The following EML1 variants were observed in gnomAD, a reference collection of about 807,000 sequenced individuals.
EML1 encodes the protein EMAP like 1.
EML1 carries 27 observed loss-of-function variants against 110.4 expected under a neutral mutation model. The ratio of observed to expected loss-of-function variants is 0.24; its 90% CI spans 0.18 to 0.34. The LOEUF (loss-of-function observed/expected upper bound fraction) is 0.34. Among genes scored for constraint, EML1 ranks in the 10% least tolerant of loss-of-function variants. EML1 has a pLI of 1.00. For synonymous variants in EML1, 344 were observed against 385.8 expected, an observed-to-expected ratio of 0.89 and a Z score of 1.27; for missense variants, 741 against 1,030.9, an observed-to-expected ratio of 0.72 and a Z score of 3.85.
intron 1 of EML1, among the ~76,000 whole-genome samples, chr14:99,806,253 C>T (rs952166423): frequency 5.9e-5 from 9 of 151,588 alleles, no homozygotes; most frequent in Admixed American, 1.3e-4. Context: ...ATCACACCCA[C>T]GTGCATTACA....
chr14:99,754,880 C>T (rs866009023), intron 1 of EML1, among the ~76,000 whole-genome samples: 1 of 152,234 alleles, frequency 6.6e-6, no homozygotes, highest in Non-Finnish European at 1.5e-5. Context: ...GCCTCCCCCG[C>T]CCCATGATCC....
intron 13 of EML1, among the ~76,000 whole-genome samples, chr14:99,912,778 A>G (rs1382650798): frequency 6.6e-6 from 1 of 152,252 alleles, no homozygotes; most frequent in Non-Finnish European, 1.5e-5. Flanking sequence ...TCATATTATA[A>G]CTGTAAAGAA....
At chr14:99,737,915 G>T (rs1489421574) in intron 1 of EML1, 7 of 1,281,872 alleles carry the variant, frequency 5.5e-6, no homozygotes, top group South Asian at 1.2e-5. Flanking sequence ...AGCCAAGGCC[G>T]CCAGTCGCCG....
At chr14:99,807,289 G>A (rs2057994291) in intron 1 of EML1, among the ~76,000 whole-genome samples, 1 of 152,212 alleles carries the variant, frequency 6.6e-6, no homozygotes, top group East Asian at 1.9e-4. Context: ...TGATTCTGCT[G>A]TTCAATGAAA....
intron 1 of EML1, among the ~76,000 whole-genome samples, chr14:99,740,400 T>G (rs1166359528): frequency 6.6e-6 from 1 of 152,194 alleles, no homozygotes; most frequent in Non-Finnish European, 1.5e-5. Flanking sequence ...GGCTTGCACC[T>G]GAAGAAGCAG....
At chr14:99,801,144 T>C (rs1216164224) in intron 1 of EML1, among the ~76,000 whole-genome samples, 1 of 152,184 alleles carries the variant, frequency 6.6e-6, no homozygotes, top group Non-Finnish European at 1.5e-5. Flanking sequence ...CAAATAACCT[T>C]TGAAGGACAA....
chr14:99,856,752 G>A (rs1191971974), intron 2 of EML1, among the ~76,000 whole-genome samples: 3 of 152,082 alleles, frequency 2.0e-5, no homozygotes, highest in African/African-American at 7.2e-5. Context: ...TAAAAAAGAC[G>A]TTTCAAATTT....
At chr14:99,879,534 T>C (rs1426282687) in intron 4 of EML1, among the ~76,000 whole-genome samples, 2 of 152,208 alleles carry the variant, frequency 1.3e-5, no homozygotes, top group African/African-American at 2.4e-5. Flanking sequence ...TGTAAATCCA[T>C]GGTGATTCAG....
intron 1 of EML1, among the ~76,000 whole-genome samples, chr14:99,778,100 G>A (rs1052148609): frequency 6.6e-6 from 1 of 152,178 alleles, no homozygotes; most frequent in Admixed American, 6.5e-5. Context: ...AATTTGAAAA[G>A]GTCTGGGCCA....
chr14:99,798,166 G>A (rs1377112490), intron 1 of EML1, among the ~76,000 whole-genome samples: 2 of 152,228 alleles, frequency 1.3e-5, no homozygotes, highest in African/African-American at 4.8e-5. Flanking sequence ...CATATATTAG[G>A]TCATCACATG....
chr14:99,866,903 T>G (rs1357134144), intron 3 of EML1, among the ~76,000 whole-genome samples: 2 of 152,234 alleles, frequency 1.3e-5, no homozygotes, highest in African/African-American at 4.8e-5. Flanking sequence ...TGGATAATAT[T>G]GCATTGTGTG....
chr14:99,924,261 T>C (rs544600538), intron 17 of EML1, among the ~76,000 whole-genome samples: 1 of 152,342 alleles, frequency 6.6e-6, no homozygotes, highest in Non-Finnish European at 1.5e-5. Context: ...AAAAATAGGA[T>C]TGAATTTTGC....
Position 99,865,583 on chromosome 14 carries a change from C to T in EML1, c.320C>T (p.Pro107Leu), listed in dbSNP as rs2059082614. The change falls in exon 3 of 22, where the codon CCT (proline) becomes CTT (leucine). Residue 107 changes from proline (P) to leucine (L), a missense_variant. This residue lies in a region of EML1 where 226 missense variants were observed against 255.6 expected (regional missense o/e 0.88). Transcript: ENST00000262233. ...VNNGTVLPKK[P>L]TGSLPSPSGV... ...AATGGCACTGTGTTACCAAAGAAAC[C>T]TACTGGCTCTCTACCATCCCCCTCC... is the stretch of plus-strand genomic sequence containing the variant. The T allele has an allele frequency of 6.2e-7, 1 of 1,614,110 alleles. No individual in the cohort carries two copies. The highest frequency in any genetic ancestry group is 1.7e-5 in the Admixed American group (1 of 60,008).
chr14:99,754,914 C>A (rs1459158043), intron 1 of EML1, among the ~76,000 whole-genome samples: 1 of 152,214 alleles, frequency 6.6e-6, no homozygotes, highest in Admixed American at 6.5e-5. Flanking sequence ...ACCTGCCTCT[C>A]GTGTCCATGC....
chr14:99,893,143 T>C (rs1042639627), intron 5 of EML1, among the ~76,000 whole-genome samples: 3 of 152,156 alleles, frequency 2.0e-5, no homozygotes, highest in Non-Finnish European at 4.4e-5. Context: ...GGAGAATCCC[T>C]GTGGGTGGCT....
At chr14:99,854,713 A>C (rs939229538) in intron 2 of EML1, among the ~76,000 whole-genome samples, 2 of 152,206 alleles carry the variant, frequency 1.3e-5, no homozygotes, top group Admixed American at 6.5e-5. Context: ...GGCTTGGTTC[A>C]TGTTGGATTT....
chr14:99,854,092 C>T (rs974621152), intron 2 of EML1, among the ~76,000 whole-genome samples: 10 of 152,178 alleles, frequency 6.6e-5, no homozygotes, highest in African/African-American at 1.7e-4. Flanking sequence ...CAATGCTGGG[C>T]GTGGCTGTGC....
chr14:99,850,292 G>A (rs1026683983), intron 1 of EML1: 2 of 1,288,852 alleles, frequency 1.6e-6, no homozygotes, highest in Non-Finnish European at 2.0e-6. Flanking sequence ...TCACGGAGAG[G>A]TTTATAGACC....
At chr14:99,857,153 C>T (rs1246751939) in intron 2 of EML1, among the ~76,000 whole-genome samples, 1 of 151,922 alleles carries the variant, frequency 6.6e-6, no homozygotes, top group African/African-American at 2.4e-5. Flanking sequence ...GAACCTGTAG[C>T]CCCAGCTATG....
Sources: gnomAD v4.1 joint callset for allele counts (sites outside exome capture counted in the v4.1 genomes callset) on GRCh38, gnomAD v4.1.1 for gene constraint, gnomAD v4.1.1 regional missense constraint, MANE v1.5 for transcripts, NCBI Gene and HGNC (gene_info 2026-07-23, HGNC 2026-07-21) for gene names.